LIN7A: variants seen among roughly 807,000 people sequenced by gnomAD.
LIN7A encodes the protein lin-7 cell polarity scaffold A.
A neutral mutation model predicts 29.8 loss-of-function variants in LIN7A; 25 were observed. The observed-to-expected ratio is 0.84, with a 90% confidence interval of 0.61 to 1.17. The LOEUF (loss-of-function observed/expected upper bound fraction) is 1.17, where lower values mean the gene tolerates loss of function less well. Ranked by LOEUF, LIN7A falls within the 50% of genes most tolerant of loss-of-function variation. The pLI, the probability that LIN7A is intolerant of heterozygous loss-of-function variation, is 0.00. For missense variants in LIN7A, 239 were observed against 287.0 expected (o/e 0.83, Z 1.21); for synonymous variants, 118 against 107.5 (o/e 1.10, Z -0.60).
chr12:80,876,527 C>T (rs373201820), intron 2 of LIN7A, among the ~76,000 whole-genome samples: 4 of 152,186 alleles, frequency 2.6e-5, no homozygotes, highest in South Asian at 4.2e-4. Context: ...CCCAAAAAAA[C>T]TACTAATAAG....
At chr12:80,937,560 T>G (rs540055882) in intron 1 of LIN7A, 81 bp downstream of exon 1, 11 of 1,044,338 alleles carry the variant, frequency 1.1e-5, no homozygotes, top group Middle Eastern at 6.2e-4. Flanking sequence ...GCGCGTCCCA[T>G]GTCCCGTTGG....
chr12:80,937,592 A>C, intron 1 of LIN7A, 49 bp downstream of exon 1: 2 of 1,299,722 alleles, frequency 1.5e-6, no homozygotes, highest in Non-Finnish European at 2.1e-6. Context: ...CGGGGAAGGG[A>C]GGAGGGGAGA....
At chr12:80,809,273 T>G (rs1871179245) in intron 5 of LIN7A, among the ~76,000 whole-genome samples, 1 of 152,204 alleles carries the variant, frequency 6.6e-6, no homozygotes, top group Non-Finnish European at 1.5e-5. Flanking sequence ...GCCTGTAGCT[T>G]CTTCTTTTCA....
Position 80,805,879 on chromosome 12 carries a change from G to A in LIN7A, c.*5586C>T, listed in dbSNP as rs180829404. ...ATGGGTTTATCAGGGGTTTCTGCTT[G>A]TGTTTATTCCTCATTTTTCTCTTGC... On this transcript the variant is annotated intron_variant, in intron 5 of 5. Transcript: ENST00000552864. Among the ~76,000 whole-genome samples the A allele has an allele frequency of 2.1e-3, 316 of 151,766 alleles. 2 individuals are homozygous for A. The highest frequency in any genetic ancestry group is 6.0e-3 in the South Asian group (29 of 4,800).
chr12:80,807,075 T>TTTTTTTTTTTTTTTG (rs1871046321), intron 5 of LIN7A, among the ~76,000 whole-genome samples: 3 of 124,170 alleles, frequency 2.4e-5, no homozygotes, highest in East Asian at 2.4e-4. Flanking sequence ...TTTTTTTTTT[T>TTTTTTTTTTTTTTTG]TTTTTTTTTT....
At chr12:80,867,332 A>G (rs1373044708) in intron 2 of LIN7A, among the ~76,000 whole-genome samples, 4 of 152,048 alleles carry the variant, frequency 2.6e-5, no homozygotes, top group Non-Finnish European at 5.9e-5. Context: ...GATCAGCTTC[A>G]CACCCTCACT....
At chr12:80,800,106 C>A (rs1870643430) in intron 5 of LIN7A, among the ~76,000 whole-genome samples, 1 of 152,110 alleles carries the variant, frequency 6.6e-6, no homozygotes. Flanking sequence ...CTACAAATAC[C>A]ATGGACATTA....
intron 1 of LIN7A, among the ~76,000 whole-genome samples, chr12:80,915,907 T>C (rs1227101436): frequency 6.6e-6 from 1 of 152,116 alleles, no homozygotes; most frequent in Non-Finnish European, 1.5e-5. Context: ...GGGCAAGAAT[T>C]GAGACTGCCT....
At chr12:80,813,019 A>AT (rs201947094) in intron 4 of LIN7A, among the ~76,000 whole-genome samples, 1,994 of 151,432 alleles carry the variant, frequency 0.013, 36 homozygotes, top group African/African-American at 0.044. Context: ...ATACAGATAT[A>AT]TTTTTTTTTG....
chr12:80,888,560 T>C (rs1875455096), intron 2 of LIN7A, among the ~76,000 whole-genome samples: 2 of 152,180 alleles, frequency 1.3e-5, no homozygotes, highest in Non-Finnish European at 2.9e-5. Flanking sequence ...CTTTAGGTTC[T>C]AACTAATGAA....
At chr12:80,864,273 C>T (rs1874026339) in intron 2 of LIN7A, among the ~76,000 whole-genome samples, 1 of 151,776 alleles carries the variant, frequency 6.6e-6, no homozygotes, top group African/African-American at 2.4e-5. Flanking sequence ...ACCATCTCCA[C>T]TTCACTTGGG....
intron 4 of LIN7A, among the ~76,000 whole-genome samples, chr12:80,831,270 C>T (rs1872337238): frequency 6.6e-6 from 1 of 152,148 alleles, no homozygotes; most frequent in Non-Finnish European, 1.5e-5. Context: ...ATTGCCCTAT[C>T]TAACATCTCT....
chr12:80,873,480 T>A (rs375542383), intron 2 of LIN7A, among the ~76,000 whole-genome samples: 1 of 151,076 alleles, frequency 6.6e-6, no homozygotes, highest in Admixed American at 6.6e-5. Flanking sequence ...CTGAAGTGAG[T>A]TATGATGACA....
At chr12:80,933,267 C>T (rs1878015451) in intron 1 of LIN7A, among the ~76,000 whole-genome samples, 1 of 152,070 alleles carries the variant, frequency 6.6e-6, no homozygotes, top group Non-Finnish European at 1.5e-5. Flanking sequence ...ATTTCTACCC[C>T]AGGATGCATA....
chr12:80,858,545 C>A (rs1247245152), intron 2 of LIN7A, among the ~76,000 whole-genome samples: 1 of 149,838 alleles, frequency 6.7e-6, no homozygotes, highest in Non-Finnish European at 1.5e-5. Context: ...AAAAAGAATT[C>A]CCTTAAGGCA....
chr12:80,810,778 C>T (rs965076242), intron 5 of LIN7A, among the ~76,000 whole-genome samples: 17 of 152,048 alleles, frequency 1.1e-4, no homozygotes, highest in Non-Finnish European at 2.4e-4. Context: ...TTGATAATAG[C>T]CAAATTAAAA....
At chr12:80,879,299 A>G (rs1026684216) in intron 2 of LIN7A, among the ~76,000 whole-genome samples, 1 of 152,128 alleles carries the variant, frequency 6.6e-6, no homozygotes, top group Non-Finnish European at 1.5e-5. Context: ...GATATCATGG[A>G]CACTAGAAAA....
At chr12:80,921,784 T>C (rs1877322522) in intron 1 of LIN7A, among the ~76,000 whole-genome samples, 1 of 152,204 alleles carries the variant, frequency 6.6e-6, no homozygotes, top group South Asian at 2.1e-4. Flanking sequence ...GTGGTTACCA[T>C]GTGATGCCAA....
intron 2 of LIN7A, among the ~76,000 whole-genome samples, chr12:80,885,631 C>T (rs1875285168): frequency 6.6e-6 from 1 of 152,016 alleles, no homozygotes; most frequent in Non-Finnish European, 1.5e-5. Flanking sequence ...TAAGTTATTT[C>T]TTGATAGAGG....
Sources: allele counts gnomAD v4.1 joint callset (sites outside exome capture counted in the v4.1 genomes callset), GRCh38; gene constraint gnomAD v4.1.1; transcripts MANE v1.5; gene names NCBI Gene and HGNC (gene_info 2026-07-23, HGNC 2026-07-21).